ZMAT4: variants seen among roughly 807,000 people sequenced by gnomAD.
The protein encoded by ZMAT4 is zinc finger matrin-type protein 4.
In ZMAT4, 17 loss-of-function variants were observed where a neutral mutation model predicts 28.7. The observed-to-expected ratio is 0.59, with a 90% confidence interval of 0.41 to 0.89. The LOEUF (loss-of-function observed/expected upper bound fraction) is 0.89. Among genes scored for constraint, ZMAT4 ranks in the 40% least tolerant of loss-of-function variants. The probability of loss-of-function intolerance (pLI) is 0.00; values close to 1 mark genes in which losing one functional copy is unlikely to be tolerated. For synonymous variants in ZMAT4, 117 were observed against 109.2 expected, an observed-to-expected ratio of 1.07 and a Z score of -0.44; for missense variants, 240 against 283.8, an observed-to-expected ratio of 0.85 and a Z score of 1.11.
chr8:40,663,179 G>C (rs2599665), intron 5 of ZMAT4, among the ~76,000 whole-genome samples: 50,915 of 152,048 alleles, frequency 0.33, 9,622 homozygotes, highest in Middle Eastern at 0.44. Flanking sequence ...CTGAATGCTA[G>C]TTATGATCAC....
At chr8:40,664,116 GTAC>G (rs1808307428) in intron 5 of ZMAT4, among the ~76,000 whole-genome samples, 1 of 152,124 alleles carries the variant, frequency 6.6e-6, no homozygotes, top group African/African-American at 2.4e-5. Context: ...CTTGTTTTGG[GTAC>G]TGTGGGTGAT....
At position 40,531,946 on chromosome 8, in the gene ZMAT4, A is replaced by G. The variant is rs1199587663; in HGVS notation, c.*277T>C. The G allele has an allele frequency of 9.4e-6, 3 of 319,966 alleles. No homozygotes were observed. The highest frequency in any genetic ancestry group is 1.7e-5 in the Non-Finnish European group (3 of 177,048). 19.8% of individuals were successfully genotyped at this position (319,966 alleles called of 1,614,324 possible). On this transcript the variant is annotated 3_prime_UTR_variant, in exon 7 of 7. Transcript: ENST00000297737. The stretch of plus-strand genomic sequence containing the variant: ...TTGAATAATGCTCCAACTGTTTGCT[A>G]TAGGATTATAATTTAGAACATGTGC...
chr8:40,562,184 C>T (rs1409483133), intron 6 of ZMAT4, among the ~76,000 whole-genome samples: 1 of 152,164 alleles, frequency 6.6e-6, no homozygotes, highest in Non-Finnish European at 1.5e-5. Context: ...GTAGGACATT[C>T]CTGCTCAGGC....
At chr8:40,551,014 A>G (rs1164379136) in intron 6 of ZMAT4, among the ~76,000 whole-genome samples, 1 of 152,040 alleles carries the variant, frequency 6.6e-6, no homozygotes, top group Non-Finnish European at 1.5e-5. Flanking sequence ...ACTATATCCC[A>G]CCTGAAATGC....
At chr8:40,558,572 T>C (rs954166712) in intron 6 of ZMAT4, among the ~76,000 whole-genome samples, 2 of 152,022 alleles carry the variant, frequency 1.3e-5, no homozygotes, top group African/African-American at 4.8e-5. Flanking sequence ...AGAAACTGGA[T>C]AAAAATAGTG....
At chr8:40,894,994 C>T (rs2150674506) in intron 1 of ZMAT4, among the ~76,000 whole-genome samples, 2 of 152,120 alleles carry the variant, frequency 1.3e-5, no homozygotes, top group Middle Eastern at 6.8e-3. Flanking sequence ...AGTAGGTTGG[C>T]AAAAGATTAC....
intron 3 of ZMAT4, among the ~76,000 whole-genome samples, chr8:40,733,573 C>A (rs1039794944): frequency 1.3e-5 from 2 of 151,508 alleles, no homozygotes; most frequent in Non-Finnish European, 2.9e-5. Context: ...CAGTCATAGC[C>A]TATTACAAGT....
chr8:40,671,767 T>C (rs1808679277), intron 5 of ZMAT4, among the ~76,000 whole-genome samples: 1 of 152,208 alleles, frequency 6.6e-6, no homozygotes, highest in South Asian at 2.1e-4. Context: ...CATAGAACTG[T>C]AACATGTAAT....
chr8:40,713,728 G>T (rs934695198), intron 3 of ZMAT4, among the ~76,000 whole-genome samples: 1 of 151,816 alleles, frequency 6.6e-6, no homozygotes, highest in African/African-American at 2.4e-5. Flanking sequence ...GACCAACATG[G>T]TGAAACCCGG....
intron 4 of ZMAT4, chr8:40,696,950 T>C (rs1809915522): frequency 4.0e-6 from 1 of 248,124 alleles, no homozygotes; most frequent in Non-Finnish European, 7.7e-6. Flanking sequence ...TATCACATCT[T>C]ATATAATACA....
At position 40,624,381 on chromosome 8, in the gene ZMAT4, A is replaced by T. The variant is rs572087645; in HGVS notation, c.578-43120T>A. 2.6e-5 allele frequency among the ~76,000 whole-genome samples: 4 copies of T among 152,328 alleles called. No homozygotes were observed. In the East Asian group the frequency reaches 7.7e-4, roughly 29 times the overall value. On this transcript the variant is annotated intron_variant, in intron 5 of 6. Transcript: ENST00000297737. ...AGAACCAGACCCTGATGGCATGCTG[A>T]TCTTTGGAATTCCAGCCTCCAGGAC... is the stretch of plus-strand genomic sequence containing the variant.
rs1327075356 is a variant in ZMAT4 at position 40,675,475 on chromosome 8, C to A, written c.350-544G>T. Among the ~76,000 whole-genome samples, 2 of 152,088 alleles carry A rather than the reference C, an allele frequency of 1.3e-5. 1 individual carries two copies. The highest frequency in any genetic ancestry group is 1.3e-4 in the Admixed American group (2 of 15,266). On this transcript the variant is annotated intron_variant, in intron 4 of 6. Coordinates refer to ENST00000297737, the MANE Select transcript of ZMAT4 (RefSeq NM_024645.3). ...AATGCAATAAGCCTATTGTAATTGCCTTCAATTATTTTTGTGTGTGTATAA... is the reference window on the plus strand; with the variant it reads ...AATGCAATAAGCCTATTGTAATTGCATTCAATTATTTTTGTGTGTGTATAA...
chr8:40,873,151 T>C (rs900784605), intron 1 of ZMAT4, among the ~76,000 whole-genome samples: 4 of 152,174 alleles, frequency 2.6e-5, no homozygotes, highest in Non-Finnish European at 5.9e-5. Context: ...CTTCAGCCCA[T>C]CTGAGAAGCC....
intron 6 of ZMAT4, among the ~76,000 whole-genome samples, chr8:40,559,347 G>A (rs563091276): frequency 1.3e-5 from 2 of 152,220 alleles, no homozygotes; most frequent in African/African-American, 4.8e-5. Flanking sequence ...ACCTCAAAGC[G>A]AACATGGGAC....
intron 5 of ZMAT4, among the ~76,000 whole-genome samples, chr8:40,595,113 T>A (rs561380774): frequency 6.6e-6 from 1 of 152,210 alleles, no homozygotes; most frequent in Admixed American, 6.5e-5. Flanking sequence ...TAATTGCACG[T>A]TTTTTATTTT....
At chr8:40,698,959 C>T (rs147582265) in intron 3 of ZMAT4, among the ~76,000 whole-genome samples, 1 of 152,226 alleles carries the variant, frequency 6.6e-6, no homozygotes, top group African/African-American at 2.4e-5. Context: ...ATTGGCAATA[C>T]TCTCGCTGAG....
intron 6 of ZMAT4, among the ~76,000 whole-genome samples, chr8:40,579,917 G>A (rs767893561): frequency 5.3e-5 from 8 of 152,024 alleles, no homozygotes; most frequent in Non-Finnish European, 1.2e-4. Flanking sequence ...TTAAAGCTCC[G>A]GGTGCACACG....
chr8:40,608,909 C>A (rs1053989893), intron 5 of ZMAT4, among the ~76,000 whole-genome samples: 3 of 152,180 alleles, frequency 2.0e-5, no homozygotes, highest in African/African-American at 7.2e-5. Flanking sequence ...ACACTTCAGG[C>A]ACTCACAGTT....
intron 1 of ZMAT4, among the ~76,000 whole-genome samples, chr8:40,863,182 A>T (rs143122532): frequency 2.6e-5 from 4 of 152,200 alleles, no homozygotes; most frequent in African/African-American, 7.2e-5. Flanking sequence ...TCTGGGTGTG[A>T]TCCCAAGGAT....
Sources: allele counts gnomAD v4.1 joint callset (sites outside exome capture counted in the v4.1 genomes callset), GRCh38; gene constraint gnomAD v4.1.1; transcripts MANE v1.5; gene names NCBI Gene and HGNC (gene_info 2026-07-23, HGNC 2026-07-21).